The following LILRB1 variants were observed in gnomAD, a reference collection of about 807,000 sequenced individuals.
LILRB1 encodes leukocyte immunoglobulin like receptor B1, also known as leukocyte immunoglobulin-like receptor subfamily B member 1.
Under a neutral mutation model 74.6 loss-of-function variants are expected in LILRB1, and 59 were observed. The ratio of observed to expected loss-of-function variants is 0.79; its 90% confidence interval spans 0.64 to 0.98. The LOEUF (loss-of-function observed/expected upper bound fraction) is 0.98. Among genes scored for constraint, LILRB1 ranks in the 50% least tolerant of loss-of-function variants. LILRB1 has a pLI of 0.00. For missense variants in LILRB1, 804 were observed against 822.6 expected (o/e 0.98, Z 0.28); for synonymous variants, 328 against 333.9 (o/e 0.98, Z 0.19).
rs1177588307 is a variant in LILRB1 at position 54,635,566 on chromosome 19, T to C, written c.1610T>C (p.Val537Ala). The C allele has an allele frequency of 1.2e-6, 2 of 1,613,544 alleles. No homozygotes were observed. The highest frequency in any genetic ancestry group is 1.7e-6 in the Non-Finnish European group (2 of 1,179,692). ...DAQEENLYAA[V>A]KHTQPEDGVE... ...TGCTCTGCCCCAGCAGATGCTGCCG[T>C]GAAGCACACACAGCCTGAGGATGGG... Residue 537 changes from valine to alanine, a missense_variant, in exon 13 of 15, where the codon GTG becomes GCG. Coordinates refer to ENST00000324602, the MANE Select transcript of LILRB1 (RefSeq NM_001081637.3).
chr19:54,634,189 T>C lies in LILRB1; in HGVS notation c.1363+168T>C. The stretch of plus-strand genomic sequence containing the variant: ...GTGAGAGGCCTGCGGGTGGGAAAGT[T>C]CCTTTCAGCTCTGACTCCCAGCTGT... On this transcript the variant is annotated intron_variant, in intron 9 of 14. Transcript: ENST00000324602. 9.3e-6 allele frequency: 14 copies of C among 1,501,164 alleles called. No individual in the cohort carries two copies. In the South Asian group the frequency reaches 1.7e-4, roughly 18 times the overall value. The allele number at this position is 1,501,164 out of a possible 1,614,324, so 93.0% of individuals were successfully genotyped here. A position where few individuals can be genotyped will look rare whatever the true frequency, so the allele number is the denominator to read the frequency against.
intron 1 of LILRB1, among the ~76,000 whole-genome samples, chr19:54,624,286 T>C (rs2146186641): frequency 6.6e-6 from 1 of 152,242 alleles, no homozygotes; most frequent in East Asian, 1.9e-4. Flanking sequence ...TCCAGTCCCA[T>C]AGGGAGGAAC....
chr19:54,623,148 A>G (rs141098653), intron 1 of LILRB1, among the ~76,000 whole-genome samples: 2,588 of 151,926 alleles, frequency 0.017, 84 homozygotes, highest in African/African-American at 0.059. Context: ...TCCCTGTCTG[A>G]TTTTGCTATC....
In LILRB1 at chr19:54,633,220, C is replaced by A. The variant is rs2146270917; in HGVS notation, c.1163C>A (p.Thr388Asn). 6.2e-7 allele frequency: 1 copy of A among 1,614,204 alleles called. No homozygotes were observed. Among genetic ancestry groups the A allele is most frequent in the Non-Finnish European group, 8.5e-7 (1 of 1,180,022 alleles). Residue 388 changes from threonine (T) to asparagine (N), a missense_variant, in exon 7 of 15, where the codon ACC (threonine) becomes AAC (asparagine). Physicochemically the swap from Thr to Asn is moderately conservative, Grantham distance 65. Transcript: ENST00000324602. Reference protein sequence around the residue: ...YQAEFPMGPVTSAHAGTYRCY... With the variant: ...YQAEFPMGPVNSAHAGTYRCY... ...GCTGAATTCCCCATGGGTCCTGTGA[C>A]CTCAGCCCATGCGGGGACCTACAGG...
intron 1 of LILRB1, among the ~76,000 whole-genome samples, chr19:54,625,383 G>A (rs1454319853): frequency 6.6e-6 from 1 of 151,794 alleles, no homozygotes; most frequent in Non-Finnish European, 1.5e-5. Flanking sequence ...CCCTGCTAAG[G>A]CAGTGGCAGC....
chr19:54,637,678 G>A lies in LILRB1; in HGVS notation c.*800G>A, dbSNP rs1276913486. ...AACCAAAGCTTGAAAATTCAACAAA[G>A]CCAGTGAAGCTCATTCTTGAAAACA... On this transcript the variant is annotated 3_prime_UTR_variant, in exon 15 of 15. Transcript: ENST00000324602. The A allele has an allele frequency of 6.6e-6, 1 of 152,008 alleles. No homozygotes were observed. Among genetic ancestry groups the A allele is most frequent in the East Asian group, 1.9e-4 (1 of 5,194 alleles). The allele number at this position is 152,008 out of a possible 1,614,324, so 9.4% of individuals were successfully genotyped here.
At chr19:54,617,656 C>T (rs866312164) in intron 1 of LILRB1, among the ~76,000 whole-genome samples, 1 of 151,740 alleles carries the variant, frequency 6.6e-6, no homozygotes, top group Middle Eastern at 3.4e-3. Flanking sequence ...GCAGTGAACC[C>T]ATTTTAATTT....
upstream of LILRB1, among the ~76,000 whole-genome samples, chr19:54,626,455 G>A (rs2063591737): frequency 1.3e-5 from 2 of 152,114 alleles, no homozygotes; most frequent in African/African-American, 4.8e-5. Context: ...GTGATCCATA[G>A]AGAGATACCT....
At chr19:54,617,421 G>A (rs2063334843) in intron 1 of LILRB1, 1 of 152,152 alleles carries the variant, frequency 6.6e-6, no homozygotes, top group East Asian at 1.9e-4. Flanking sequence ...TTTCTTTTCT[G>A]CCTGCTTTAC....
chr19:54,632,114 G>A lies in LILRB1; in HGVS notation c.538G>A (p.Ala180Thr), dbSNP rs750303692. 10 of 1,614,118 alleles carry A rather than the reference G, an allele frequency of 6.2e-6. No homozygotes were observed. In the East Asian group the frequency reaches 8.9e-5, roughly 14 times the overall value. ...GCCCCATGCCCGTGGGTCGTCCCGC[G>A]CCATCTTCTCCGTGGGCCCCGTGAG... ...SQPHARGSSR[A>T]IFSVGPVSPS... The change falls in exon 5 of 15, where the codon GCC (alanine) becomes ACC (threonine). Residue 180 changes from alanine to threonine, a missense_variant. Transcript: ENST00000324602.
At chr19:54,635,201 A>C in intron 11 of LILRB1, 22 bp downstream of exon 11, 1 of 1,605,336 alleles carries the variant, frequency 6.2e-7, no homozygotes, top group Non-Finnish European at 8.5e-7. Flanking sequence ...CGAAGACCCC[A>C]GACTCCCACC....
chr19:54,616,341 C>T (rs947885206), upstream of LILRB1, among the ~76,000 whole-genome samples: 1 of 152,146 alleles, frequency 6.6e-6, no homozygotes, highest in African/African-American at 2.4e-5. Context: ...CTCAGGACCT[C>T]CTGAGTGCTG....
upstream of LILRB1, among the ~76,000 whole-genome samples, chr19:54,628,660 A>T (rs1238470509): frequency 2.6e-5 from 4 of 152,252 alleles, no homozygotes; most frequent in East Asian, 7.7e-4. Flanking sequence ...CTCCCTGGGC[A>T]TCACCCTCCA....
chr19:54,623,747 T>TCC (rs889455359), intron 1 of LILRB1, among the ~76,000 whole-genome samples: 1 of 152,254 alleles, frequency 6.6e-6, no homozygotes, highest in African/African-American at 2.4e-5. Context: ...TTCAGATTTT[T>TCC]CACAGCGTCA....
At position 54,631,769 on chromosome 19, in the gene LILRB1, C is replaced by G. The variant is rs200993507; in HGVS notation, c.340C>G (p.Leu114Val). Residue 114 changes from leucine (L) to valine (V), a missense_variant, in exon 4 of 15, where the codon CTG becomes GTG. Transcript: ENST00000324602. ...TAGRSESSDP[L>V]ELVVTGAYIK... ...AGGCCGCTCAGAGAGCAGTGACCCC[C>G]TGGAGCTGGTGGTGACAGGTGAGCT... 3 of 1,614,182 alleles carry G rather than the reference C, an allele frequency of 1.9e-6. No homozygotes were observed. The highest frequency in any genetic ancestry group is 1.1e-5 in the South Asian group (1 of 91,090).
chr19:54,616,419 A>G (rs192143173), upstream of LILRB1, among the ~76,000 whole-genome samples: 462 of 152,214 alleles, frequency 3.0e-3, 1 homozygote, highest in African/African-American at 0.011. Context: ...TTTGTCCACA[A>G]TAATTTGGTG....
intron 5 of LILRB1, 112 bp from the exon 6 acceptor site, chr19:54,632,352 C>T (rs1411783742): frequency 2.6e-6 from 4 of 1,547,744 alleles, no homozygotes; most frequent in East Asian, 2.3e-5. Flanking sequence ...GCTCAGGGCT[C>T]CTGGGGCCAG....
At chr19:54,635,506 A>T in intron 12 of LILRB1, 51 bp from the exon 13 acceptor site, 2 of 1,583,294 alleles carry the variant, frequency 1.3e-6, no homozygotes, top group South Asian at 1.2e-5. Flanking sequence ...CAGGACTCAG[A>T]GGTCCCAGGG....
chr19:54,627,387 C>T (rs191553985), upstream of LILRB1, among the ~76,000 whole-genome samples: 1 of 152,324 alleles, frequency 6.6e-6, no homozygotes, highest in Admixed American at 6.5e-5. Context: ...GATGAGATGA[C>T]TTTGGTCAAG....
Sources: allele counts gnomAD v4.1 joint callset (sites outside exome capture counted in the v4.1 genomes callset), GRCh38; gene constraint gnomAD v4.1.1; transcripts MANE v1.5; gene names NCBI Gene and HGNC (gene_info 2026-07-23, HGNC 2026-07-21).